The following LGR4 variants were observed in gnomAD, a reference collection of about 807,000 sequenced individuals.
The protein encoded by LGR4 is leucine-rich repeat-containing G protein-coupled receptor 4.
Under a neutral mutation model 84.8 loss-of-function variants are expected in LGR4, and 44 were observed. That is an observed-to-expected ratio of 0.52 (90% CI 0.41 to 0.67). The LOEUF is 0.67. Among genes scored for constraint, LGR4 ranks in the 30% least tolerant of loss-of-function variants. LGR4 has a pLI of 0.00. For missense variants in LGR4, 1,032 were observed against 1,131.4 expected (o/e 0.91, Z 1.26); for synonymous variants, 429 against 434.3 (o/e 0.99, Z 0.15).
chr11:27,417,825 A>G (rs1000869397), intron 1 of LGR4, among the ~76,000 whole-genome samples: 4 of 152,176 alleles, frequency 2.6e-5, no homozygotes, highest in Admixed American at 2.6e-4. Context: ...CACCTAAAAG[A>G]TTCTTCATTT....
intron 1 of LGR4, among the ~76,000 whole-genome samples, chr11:27,444,401 T>C (rs1383702497): frequency 2.0e-5 from 3 of 152,208 alleles, no homozygotes. Context: ...TCTAAACCTT[T>C]CAATAGCTTA....
chr11:27,371,135 A>G (rs538845339), intron 17 of LGR4, among the ~76,000 whole-genome samples: 1 of 152,322 alleles, frequency 6.6e-6, no homozygotes, highest in East Asian at 1.9e-4. Context: ...TTTTACAGTA[A>G]AATTATAAAT....
At chr11:27,450,122 A>G (rs1864457171) in intron 1 of LGR4, among the ~76,000 whole-genome samples, 1 of 152,182 alleles carries the variant, frequency 6.6e-6, no homozygotes, top group Non-Finnish European at 1.5e-5. Context: ...CCTATATGCT[A>G]TTGTTATTCT....
chr11:27,468,363 C>T (rs546906116), intron 1 of LGR4, among the ~76,000 whole-genome samples: 1 of 152,236 alleles, frequency 6.6e-6, no homozygotes, highest in African/African-American at 2.4e-5. Flanking sequence ...AGTGTTAAGC[C>T]ATACCCACAG....
At chr11:27,471,242 C>T (rs1190751070) in intron 1 of LGR4, among the ~76,000 whole-genome samples, 2 of 152,224 alleles carry the variant, frequency 1.3e-5, no homozygotes, top group African/African-American at 2.4e-5. Flanking sequence ...AAGTCTGAAA[C>T]ATTTCAGTGT....
chr11:27,453,309 T>A (rs1308778270), intron 1 of LGR4, among the ~76,000 whole-genome samples: 1 of 152,182 alleles, frequency 6.6e-6, no homozygotes, highest in Non-Finnish European at 1.5e-5. Context: ...CCTCATGATG[T>A]GCCCACCTCG....
chr11:27,379,129 C>A, intron 10 of LGR4: 1 of 211,010 alleles, frequency 4.7e-6, no homozygotes. Flanking sequence ...GCCCCCAAAT[C>A]TTGTTTCTGT....
chr11:27,416,107 A>G (rs544375390), intron 1 of LGR4, among the ~76,000 whole-genome samples: 42 of 152,296 alleles, frequency 2.8e-4, no homozygotes, highest in Middle Eastern at 3.4e-3. Context: ...CAATCTTACC[A>G]GTGGCATCAG....
At chr11:27,414,987 T>C (rs1863787374) in intron 1 of LGR4, among the ~76,000 whole-genome samples, 2 of 152,202 alleles carry the variant, frequency 1.3e-5, no homozygotes, top group Non-Finnish European at 2.9e-5. Context: ...TTTTATAGAA[T>C]GTTTCTGAAA....
At position 27,466,154 on chromosome 11, in the gene LGR4, C is replaced by G. The variant is rs568193345; in HGVS notation, c.185+5964G>C. ...ATAAAGAATACTCTAAGTTACATTA[C>G]TTTTATTTTTCAGAGTTAAAGGCAC... On this transcript the variant is annotated intron_variant, in intron 1 of 17. Transcript: ENST00000379214. Among the ~76,000 whole-genome samples, 6 of 152,150 alleles carry G rather than the reference C, an allele frequency of 3.9e-5. No individual in the cohort carries two copies. In the South Asian group the frequency reaches 1.2e-3, roughly 32 times the overall value.
intron 6 of LGR4, 149 bp downstream of exon 6, chr11:27,384,187 T>C: frequency 1.7e-6 from 1 of 596,938 alleles, no homozygotes; most frequent in South Asian, 2.1e-5. Context: ...CATAATTAGG[T>C]TATTTGATAG....
intron 10 of LGR4, among the ~76,000 whole-genome samples, chr11:27,379,921 T>C (rs1863058556): frequency 6.6e-6 from 1 of 152,208 alleles, no homozygotes; most frequent in Non-Finnish European, 1.5e-5. Flanking sequence ...CACTCAGCTC[T>C]GGGAAACCTG....
Position 27,376,305 on chromosome 11 carries a change from C to T in LGR4, c.1175G>A (p.Arg392Lys). 6.4e-7 allele frequency: 1 copy of T among 1,566,536 alleles called. No homozygotes were observed. The highest frequency in any genetic ancestry group is 8.7e-7 in the Non-Finnish European group (1 of 1,143,282). Residue 392 changes from arginine (R) to lysine (K), a missense_variant, in exon 13 of 18, where the codon AGG becomes AAG. Transcript: ENST00000379214. ...TAATCATAGACAAACTTACAGAATC[C>T]TTAGAGATATCAGGCCTTGAAAGGT... is the stretch of plus-strand genomic sequence containing the variant. Reference protein sequence around the residue: ...EGTFQGLISLRILDLSRNLIH... With the variant: ...EGTFQGLISLKILDLSRNLIH...
At chr11:27,414,887 C>T (rs74639275) in intron 1 of LGR4, among the ~76,000 whole-genome samples, 2,626 of 152,152 alleles carry the variant, frequency 0.017, 82 homozygotes, top group African/African-American at 0.059. Flanking sequence ...ATACTGTCAC[C>T]TTTATACTGA....
At chr11:27,413,133 A>G (rs1244861682) in intron 1 of LGR4, among the ~76,000 whole-genome samples, 1 of 152,070 alleles carries the variant, frequency 6.6e-6, no homozygotes, top group Non-Finnish European at 1.5e-5. Context: ...AACCACCTAA[A>G]ATAAGTGGGC....
At chr11:27,448,817 C>A (rs1210005368) in intron 1 of LGR4, among the ~76,000 whole-genome samples, 1 of 152,104 alleles carries the variant, frequency 6.6e-6, no homozygotes, top group Non-Finnish European at 1.5e-5. Flanking sequence ...CTTAAATCAA[C>A]CATTGGAGCA....
intron 7 of LGR4, among the ~76,000 whole-genome samples, chr11:27,381,394 C>T (rs1004293034): frequency 2.0e-5 from 3 of 152,208 alleles, no homozygotes; most frequent in Admixed American, 6.5e-5. Context: ...ACAAACCCGA[C>T]GTCCAGAATG....
At chr11:27,401,899 TAAC>T (rs1413481105) in intron 2 of LGR4, among the ~76,000 whole-genome samples, 4 of 151,986 alleles carry the variant, frequency 2.6e-5, no homozygotes, top group Admixed American at 2.0e-4. Flanking sequence ...AAGCACGAAA[TAAC>T]AAGGCATGCA....
intron 10 of LGR4, among the ~76,000 whole-genome samples, chr11:27,379,654 G>A (rs534879926): frequency 1.7e-4 from 26 of 152,284 alleles, no homozygotes; most frequent in Admixed American, 1.5e-3. Flanking sequence ...CTGACTGTCT[G>A]GAGGGCTGAG....
Sources: allele counts gnomAD v4.1 joint callset (sites outside exome capture counted in the v4.1 genomes callset), GRCh38; gene constraint gnomAD v4.1.1; transcripts MANE v1.5; gene names NCBI Gene and HGNC (gene_info 2026-07-23, HGNC 2026-07-21).